Variants in ATAD5 observed in about 807,000 individuals in gnomAD.
ATAD5 encodes ATPase family AAA domain-containing protein 5.
In ATAD5, 58 loss-of-function variants were observed where a neutral mutation model predicts 176.9. The ratio of observed to expected loss-of-function variants is 0.33; its 90% confidence interval spans 0.27 to 0.41. The LOEUF (loss-of-function observed/expected upper bound fraction) is 0.41, where lower values mean the gene tolerates loss of function less well. ATAD5 is among the 10% of genes least tolerant of loss of function. The pLI is 1.00. For missense variants in ATAD5, 1,789 were observed against 2,094.1 expected (o/e 0.85, Z 2.84); for synonymous variants, 640 against 712.6 (o/e 0.90, Z 1.62).
At position 30,894,983 on chromosome 17, in the gene ATAD5, A is replaced by C; in HGVS notation, c.*70A>C. 1.0e-6 allele frequency: 1 copy of C among 1,000,458 alleles called. No individual in the cohort carries two copies. Among genetic ancestry groups the C allele is most frequent in the South Asian group, 2.3e-5 (1 of 42,756 alleles). The allele number at this position is 1,000,458 out of a possible 1,614,324, so 62.0% of individuals were successfully genotyped here. Reference sequence around the variant, plus strand: ...TAAGATACATTTTTATATTATGTGGATCTTCATGGAAAAGTATATTTCTCG... The same window carrying C: ...TAAGATACATTTTTATATTATGTGGCTCTTCATGGAAAAGTATATTTCTCG... On this transcript the variant is annotated 3_prime_UTR_variant, in exon 23 of 23. Transcript: ENST00000321990.
In ATAD5 at chr17:30,834,172, G is replaced by A. The variant is rs1436287087; in HGVS notation, c.91G>A (p.Asp31Asn). 2 of 1,566,424 alleles carry A rather than the reference G, an allele frequency of 1.3e-6. No individual in the cohort carries two copies. The highest frequency in any genetic ancestry group is 4.1e-5 in the Admixed American group (2 of 48,662). The change falls in exon 2 of 23, where the codon GAT (aspartate) becomes AAT (asparagine). Residue 31 changes from aspartate to asparagine, a missense_variant. This residue lies in a region of ATAD5 where 696 missense variants were observed against 712.5 expected (regional missense o/e 0.98). Transcript: ENST00000321990. ...IEPCKKRKKD[D>N]DTSTCKTITK... ...GCCATGCAAAAAGCGAAAGAAAGAT[G>A]ATGACACATCTACCTGCAAAACAAT...
chr17:30,892,852 C>T, intron 20 of ATAD5, 64 bp downstream of exon 20: 1 of 1,306,646 alleles, frequency 7.7e-7, no homozygotes, highest in Non-Finnish European at 1.0e-6. Flanking sequence ...CAACATTAGC[C>T]TCCTATCTTT....
At chr17:30,861,564 G>T (rs991611476) in intron 10 of ATAD5, among the ~76,000 whole-genome samples, 1 of 151,620 alleles carries the variant, frequency 6.6e-6, no homozygotes, top group Non-Finnish European at 1.5e-5. Context: ...ATCTCTCTCC[G>T]TCGCTTGCCT....
chr17:30,889,082 A>G (rs1193685188), intron 19 of ATAD5, among the ~76,000 whole-genome samples: 1 of 151,206 alleles, frequency 6.6e-6, no homozygotes, highest in African/African-American at 2.4e-5. Context: ...AAAAATTAAA[A>G]AACACACACA....
chr17:30,874,882 G>C (rs550025931), intron 14 of ATAD5, among the ~76,000 whole-genome samples: 1 of 151,978 alleles, frequency 6.6e-6, no homozygotes, highest in African/African-American at 2.4e-5. Flanking sequence ...GCCTGCCTTG[G>C]CCCCCCAAAG....
chr17:30,834,482 T>C lies in ATAD5; in HGVS notation c.401T>C (p.Ile134Thr). The change falls in exon 2 of 23, where the codon ATT becomes ACT. Residue 134 changes from isoleucine to threonine, a missense_variant. Ile to Thr is a moderately conservative substitution (Grantham distance 89, BLOSUM62 -1). Coordinates refer to ENST00000321990, the MANE Select transcript of ATAD5 (RefSeq NM_024857.5). Reference sequence around the variant, plus strand: ...ATTAAAACTGAAAATGAAGCTCCAATTGAAATTAGTAGCGACGATAGCAAA... The same window carrying C: ...ATTAAAACTGAAAATGAAGCTCCAACTGAAATTAGTAGCGACGATAGCAAA... ...NNIKTENEAP[I>T]EISSDDSKED... is the part of the protein sequence containing the mutation. 1.9e-6 allele frequency: 3 copies of C among 1,586,354 alleles called. No homozygotes were observed. Among genetic ancestry groups the C allele is most frequent in the Admixed American group, 1.9e-5 (1 of 53,016 alleles).
In ATAD5 at chr17:30,834,669, G is replaced by A; in HGVS notation, c.588G>A (p.Gly196=). 1.2e-6 allele frequency: 2 copies of A among 1,609,996 alleles called. No homozygotes were observed. Among genetic ancestry groups the A allele is most frequent in the South Asian group, 2.2e-5 (2 of 89,764 alleles). The part of the protein sequence containing the change: ...QNSKKVNPKQ[G]TTKNDFKKLR... ...CTAAAAAAGTAAATCCTAAACAAGG[G>A]ACCACAAAAAATGACTTCAAAAAGT... Residue 196 remains glycine (G), a synonymous_variant, in exon 2 of 23, where the codon GGG becomes GGA. Coordinates refer to ENST00000321990, the MANE Select transcript of ATAD5 (RefSeq NM_024857.5).
chr17:30,853,223 A>G (rs765286442), intron 6 of ATAD5, among the ~76,000 whole-genome samples: 13 of 152,106 alleles, frequency 8.5e-5, no homozygotes, highest in Admixed American at 2.6e-4. Context: ...GGGGACACAC[A>G]TCCAAACCAT....
chr17:30,881,305 C>T (rs1163946158), intron 18 of ATAD5, among the ~76,000 whole-genome samples: 4 of 151,660 alleles, frequency 2.6e-5, no homozygotes, highest in African/African-American at 9.7e-5. Flanking sequence ...ACTCTGTTAC[C>T]CAAGCTGGAG....
In ATAD5 at chr17:30,857,417, T is replaced by C. The variant is rs972068231; in HGVS notation, c.2793+305T>C. The stretch of plus-strand genomic sequence containing the variant: ...TTTTAGTAGAGACGGAATTTCTCCA[T>C]GTTGGTCAGGCTGGTCTTGAACTCC... On this transcript the variant is annotated intron_variant, in intron 8 of 22. Transcript: ENST00000321990. Among the ~76,000 whole-genome samples, 4 of 151,990 alleles carry C rather than the reference T, an allele frequency of 2.6e-5. No individual in the cohort carries two copies. The East Asian group carries it at 5.8e-4, about 22-fold the overall frequency.
chr17:30,844,747 CAAAAAAA>C (rs569986111), intron 5 of ATAD5, 81 bp from the exon 6 acceptor site: 293 of 346,738 alleles, frequency 8.5e-4, no homozygotes, highest in African/African-American at 5.5e-3. Flanking sequence ...GACTCCATCT[CAAAAAAA>C]AAAAAAAAAA....
chr17:30,892,718 G>C lies in ATAD5; in HGVS notation c.4370G>C (p.Gly1457Ala). 6.3e-7 allele frequency: 1 copy of C among 1,597,218 alleles called. No individual in the cohort carries two copies. The highest frequency in any genetic ancestry group is 1.1e-5 in the South Asian group (1 of 87,282). ...GTAGACCTTCCAAAATGTGACAGTGGCTGTGCTGAGACCTTGTTTGGCCTT... is the reference window on the plus strand; with the variant it reads ...GTAGACCTTCCAAAATGTGACAGTGCCTGTGCTGAGACCTTGTTTGGCCTT... The part of the protein sequence containing the change: ...KRVDLPKCDS[G>A]CAETLFGLKN... Residue 1457 changes from glycine to alanine, a missense_variant, in exon 20 of 23, where the codon GGC becomes GCC. Physicochemically the swap from Gly to Ala is moderately conservative, Grantham distance 60 (BLOSUM62 0). Around this residue, in one of 6 missense-constraint regions of ATAD5, gnomAD observed 403 missense variants for 495.1 expected, o/e 0.81. Coordinates refer to ENST00000321990, the MANE Select transcript of ATAD5 (RefSeq NM_024857.5).
intron 11 of ATAD5, among the ~76,000 whole-genome samples, chr17:30,867,866 A>G (rs762723383): frequency 6.6e-6 from 1 of 152,144 alleles, no homozygotes; most frequent in Non-Finnish European, 1.5e-5. Context: ...CCGCCTTCCA[A>G]AGTGCTGGGA....
chr17:30,892,878 A>T (rs2142458073), intron 20 of ATAD5, 90 bp downstream of exon 20: 1 of 1,145,544 alleles, frequency 8.7e-7, no homozygotes, highest in Admixed American at 2.6e-5. Context: ...CTTAAGTTTA[A>T]CTTAAATGTG....
At chr17:30,863,260 AT>A (rs1439920800) in intron 10 of ATAD5, among the ~76,000 whole-genome samples, 10 of 152,042 alleles carry the variant, frequency 6.6e-5, no homozygotes, top group African/African-American at 2.2e-4. Context: ...TGGTAGCATG[AT>A]CTGGACTCAC....
chr17:30,832,450 C>CT, intron 1 of ATAD5, 37 bp downstream of exon 1: 1 of 1,488,538 alleles, frequency 6.7e-7, no homozygotes, highest in Non-Finnish European at 9.0e-7. Flanking sequence ...GTTCCTTCCT[C>CT]TATCTTTTGG....
At chr17:30,879,565 A>ATTTTT (rs762005937) in intron 18 of ATAD5, 78 bp downstream of exon 18, 7 of 1,055,700 alleles carry the variant, frequency 6.6e-6, no homozygotes, top group Non-Finnish European at 9.2e-6. Flanking sequence ...TACAGCTATA[A>ATTTTT]TTTTTTTTTT....
Position 30,860,465 on chromosome 17 carries a change from A to G in ATAD5, c.2989A>G (p.Lys997Glu). ...GGCTGATGTCAGCCATAAAGAAACCAAAAGGAAACTCGTAGAAGCAGAAAA... is the reference window on the plus strand; with the variant it reads ...GGCTGATGTCAGCCATAAAGAAACCGAAAGGAAACTCGTAGAAGCAGAAAA... ...LEADVSHKET[K>E]RKLVEAENSK... Residue 997 changes from lysine to glutamate, a missense_variant, in exon 10 of 23, where the codon AAA becomes GAA. Lys to Glu is a moderately conservative substitution (Grantham distance 56). This residue lies in a region of ATAD5 where 487 missense variants were observed against 573.6 expected (regional missense o/e 0.85). Transcript: ENST00000321990. 1 of 1,595,838 alleles carries G rather than the reference A, an allele frequency of 6.3e-7. No individual in the cohort carries two copies. Among genetic ancestry groups the G allele is most frequent in the Non-Finnish European group, 8.5e-7 (1 of 1,176,060 alleles).
intron 7 of ATAD5, 115 bp from the exon 8 acceptor site, chr17:30,856,840 G>T: frequency 1.0e-6 from 1 of 961,242 alleles, no homozygotes; most frequent in Non-Finnish European, 1.4e-6. Context: ...TGTGGTTTTT[G>T]GTATGTTTGT....
Sources: gnomAD v4.1 joint callset for allele counts (sites outside exome capture counted in the v4.1 genomes callset) on GRCh38, gnomAD v4.1.1 for gene constraint, gnomAD v4.1.1 regional missense constraint, MANE v1.5 for transcripts, NCBI Gene and HGNC (gene_info 2026-07-23, HGNC 2026-07-21) for gene names.